SEC31A: variants seen among roughly 807,000 people sequenced by gnomAD.
SEC31A encodes protein transport protein Sec31A.
Under a neutral mutation model 151.0 loss-of-function variants are expected in SEC31A, and 70 were observed. That is an observed-to-expected ratio of 0.46 (90% CI 0.38 to 0.57). The LOEUF is 0.57. Ranked by LOEUF, SEC31A falls within the 20% of genes least tolerant of loss-of-function variation. The pLI, the probability that SEC31A is intolerant of heterozygous loss-of-function variation, is 0.00. For missense variants in SEC31A, 1,330 were observed against 1,471.2 expected (o/e 0.90, Z 1.57); for synonymous variants, 475 against 505.9 (o/e 0.94, Z 0.82).
At position 82,819,146 on chromosome 4, in the gene SEC31A, G is replaced by A. The variant is rs151038686; in HGVS notation, c.3591C>T (p.Asn1197=). The A allele has an allele frequency of 1.9e-6, 3 of 1,612,002 alleles. No homozygotes were observed. The African/African-American group carries it at 4.0e-5, about 21-fold the overall frequency. Residue 1197 remains asparagine, a synonymous_variant, in exon 27 of 27, where the codon AAC becomes AAT. Transcript: ENST00000395310. ...TMHTHIVSTS[N]FSETSAFMPV... ...GCATGAAAGCAGAGGTCTCACTGAA[G>A]TTGCTGGTGCTAACTATGTGGGTAT...
chr4:82,839,811 ACT>A (rs1326164705), intron 22 of SEC31A, among the ~76,000 whole-genome samples: 6 of 152,332 alleles, frequency 3.9e-5, no homozygotes, highest in Admixed American at 6.5e-5. Flanking sequence ...CCTGTTAGTC[ACT>A]CTGTTTCTCA....
At chr4:82,849,544 G>A (rs1730991803) in intron 19 of SEC31A, among the ~76,000 whole-genome samples, 1 of 150,140 alleles carries the variant, frequency 6.7e-6, no homozygotes, top group South Asian at 2.1e-4. Context: ...AACCAGGGAG[G>A]CGGCACTTGC....
intron 1 of SEC31A, among the ~76,000 whole-genome samples, chr4:82,888,397 T>TATGCGTATATATACGCGTATATATATAC (rs1741419893): frequency 7.9e-5 from 4 of 50,744 alleles, no homozygotes; most frequent in Admixed American, 3.0e-4. Context: ...TATATATATA[T>TATGCGTATATATACGCGTATATATATAC]ACACACAGAC....
intron 22 of SEC31A, among the ~76,000 whole-genome samples, chr4:82,841,442 T>TTATATATATATATATATATATATATATA (rs58373170): frequency 1.2e-3 from 79 of 64,342 alleles, no homozygotes; most frequent in East Asian, 2.5e-3. Flanking sequence ...AAAAAAAATT[T>TTATATATATATATATATATATATATATA]TATATATATA....
intron 13 of SEC31A, 145 bp from the exon 14 acceptor site, chr4:82,861,853 A>AAATACCAT (rs1475025785): frequency 2.1e-6 from 1 of 478,366 alleles, no homozygotes; most frequent in Non-Finnish European, 3.9e-6. Flanking sequence ...TTTATTTGAG[A>AAATACCAT]AATACCATTA....
upstream of SEC31A, chr4:82,893,970 G>A (rs972755419): frequency 3.3e-5 from 5 of 152,174 alleles, no homozygotes; most frequent in Admixed American, 1.3e-4. Context: ...GCCAAACCAG[G>A]ACTGTAGGGT....
intron 25 of SEC31A, among the ~76,000 whole-genome samples, chr4:82,824,348 T>G (rs1185455806): frequency 6.6e-6 from 1 of 151,988 alleles, no homozygotes; most frequent in African/African-American, 2.4e-5. Flanking sequence ...GGACTACAGG[T>G]GTATTCCACC....
intron 22 of SEC31A, among the ~76,000 whole-genome samples, chr4:82,841,302 A>T (rs1728663602): frequency 1.3e-5 from 2 of 151,270 alleles, no homozygotes; most frequent in Admixed American, 6.6e-5. Context: ...GCACACCTGT[A>T]ATCCCAACTA....
Position 82,848,801 on chromosome 4 carries a change from C to T in SEC31A, c.2502+3G>A. ...CCTACTTCATCTGGACCATATCACT[C>T]ACATGGGGATAATATTGTTGAGTTT... On this transcript the variant is annotated splice_donor_region_variant and intron_variant, in intron 20 of 26. Transcript: ENST00000395310. The T allele has an allele frequency of 3.1e-6, 5 of 1,608,594 alleles. No individual in the cohort carries two copies. The highest frequency in any genetic ancestry group is 4.2e-6 in the Non-Finnish European group (5 of 1,178,228).
chr4:82,876,280 C>G (rs1198685937), intron 4 of SEC31A, among the ~76,000 whole-genome samples: 1 of 151,836 alleles, frequency 6.6e-6, no homozygotes, highest in African/African-American at 2.4e-5. Flanking sequence ...CCGGCTAATT[C>G]TGTATTTTTA....
Position 82,871,322 on chromosome 4 carries a change from A to G in SEC31A, c.782+622T>C, listed in dbSNP as rs1479862531. 7 of 1,497,282 alleles carry G rather than the reference A, an allele frequency of 4.7e-6. No individual in the cohort carries two copies. The African/African-American group carries it at 8.4e-5, about 18-fold the overall frequency. The allele number at this position is 1,497,282 out of a possible 1,614,324, so 92.7% of individuals were successfully genotyped here. ...GGATTATACATGCATACACACACAC[A>G]CACACACACACACACAAGTAACGTA... On this transcript the variant is annotated intron_variant, in intron 7 of 26. Transcript: ENST00000395310.
At chr4:82,859,791 ATTT>A (rs11319185) in intron 14 of SEC31A, among the ~76,000 whole-genome samples, 29 of 140,434 alleles carry the variant, frequency 2.1e-4, no homozygotes, top group African/African-American at 5.2e-4. Context: ...GCATAAAAAT[ATTT>A]TTTTTTTTTT....
At chr4:82,890,039 C>T (rs768998003) in intron 1 of SEC31A, among the ~76,000 whole-genome samples, 1 of 151,916 alleles carries the variant, frequency 6.6e-6, no homozygotes, top group African/African-American at 2.4e-5. Flanking sequence ...ACCAGCCTGA[C>T]CAACAGCGTG....
chr4:82,878,198 C>CT (rs1417144111), intron 4 of SEC31A, among the ~76,000 whole-genome samples: 1 of 151,994 alleles, frequency 6.6e-6, no homozygotes, highest in African/African-American at 2.4e-5. Flanking sequence ...CATCTTCAGA[C>CT]TTAAACCTAT....
At chr4:82,893,807 TA>T (rs1487301625), upstream of SEC31A, 1 of 152,288 alleles carries the variant, frequency 6.6e-6, no homozygotes, top group Non-Finnish European at 1.5e-5. Context: ...GACACTTTTG[TA>T]AGTGATGATA....
chr4:82,842,372 G>A lies in SEC31A; in HGVS notation c.2736C>T (p.Tyr912=). 6.2e-7 allele frequency: 1 copy of A among 1,613,976 alleles called. No homozygotes were observed. The highest frequency in any genetic ancestry group is 8.5e-7 in the Non-Finnish European group (1 of 1,179,958). Residue 912 remains tyrosine, a synonymous_variant, in exon 22 of 27, where the codon TAC becomes TAT. Coordinates refer to ENST00000395310, the MANE Select transcript of SEC31A (RefSeq NM_001077207.4). ...PTSNAYPNTP[Y]ISSASSYTGQ... ...CAGTATAGGAAGAAGCAGAAGATAT[G>A]TAAGGGGTGTTAGGGTAAGCGTTTG...
chr4:82,900,539 C>T (rs1009958429), upstream of SEC31A: 16 of 524,856 alleles, frequency 3.0e-5, no homozygotes, highest in Non-Finnish European at 4.4e-5. Flanking sequence ...ACTATTCCGC[C>T]TCCAACGCGG....
upstream of SEC31A, among the ~76,000 whole-genome samples, chr4:82,891,525 G>A (rs1219741674): frequency 1.3e-5 from 2 of 152,240 alleles, no homozygotes; most frequent in African/African-American, 2.4e-5. Context: ...GTCCTGTGAG[G>A]CGTCGGCAGC....
At chr4:82,850,972 C>T (rs115542217) in intron 19 of SEC31A, among the ~76,000 whole-genome samples, 17 of 152,294 alleles carry the variant, frequency 1.1e-4, no homozygotes, top group African/African-American at 3.9e-4. Context: ...TACTTGCCCA[C>T]AGACAGTATC....
Sources: gnomAD v4.1 joint callset for allele counts (sites outside exome capture counted in the v4.1 genomes callset) on GRCh38, gnomAD v4.1.1 for gene constraint, MANE v1.5 for transcripts, NCBI Gene and HGNC (gene_info 2026-07-23, HGNC 2026-07-21) for gene names.